The following USP50 variants were observed in gnomAD, a reference collection of about 807,000 sequenced individuals.
USP50 encodes ubiquitin specific peptidase 50, also known as ubiquitin carboxyl-terminal hydrolase 50.
A neutral mutation model predicts 39.2 loss-of-function variants in USP50; 37 were observed. The ratio of observed to expected loss-of-function variants is 0.94; its 90% confidence interval spans 0.73 to 1.24. USP50 has a LOEUF of 1.24. USP50 is among the 50% of genes most tolerant of loss of function. The pLI is 0.00. For synonymous variants in USP50, 139 were observed against 144.5 expected (o/e 0.96, Z 0.27); for missense variants, 374 against 398.2 (o/e 0.94, Z 0.52).
chr15:50,527,445 G>T (rs539691648), intron 6 of USP50, among the ~76,000 whole-genome samples: 1 of 151,890 alleles, frequency 6.6e-6, no homozygotes, highest in Admixed American at 6.6e-5. Context: ...CTGACCTCAT[G>T]ATCTGCCCAC....
chr15:50,497,346 T>A, downstream of USP50: 1 of 1,329,646 alleles, frequency 7.5e-7, no homozygotes, highest in Non-Finnish European at 1.0e-6. Flanking sequence ...AGGGCGATTA[T>A]CTGGTTACAG....
At chr15:50,530,937 TTTTG>T (rs1341426779) in intron 5 of USP50, among the ~76,000 whole-genome samples, 1 of 152,098 alleles carries the variant, frequency 6.6e-6, no homozygotes, top group African/African-American at 2.4e-5. Context: ...AGCTCTGAGT[TTTTG>T]TTTGTTTTTT....
chr15:50,527,364 CT>C (rs2052906545), intron 6 of USP50, among the ~76,000 whole-genome samples: 1 of 151,854 alleles, frequency 6.6e-6, no homozygotes, highest in African/African-American at 2.4e-5. Context: ...GCCACCACGC[CT>C]GGCTAATTTT....
In USP50 at chr15:50,542,517, C is replaced by T. The variant is rs1422922774; in HGVS notation, c.444+1081G>A. The stretch of plus-strand genomic sequence containing the variant: ...TTTTTTTTTTTCTTGGAGACGGAGT[C>T]TTGCTCTGTCGTCCAGGCTGGAGTG... On this transcript the variant is annotated intron_variant, in intron 3 of 6. Transcript: ENST00000532404. 6.4e-5 allele frequency among the ~76,000 whole-genome samples: 7 copies of T among 109,016 alleles called. No homozygotes were observed. The East Asian group carries it at 2.2e-3, about 34-fold the overall frequency. The allele number at this position is 109,016 out of a possible 152,430, so 71.5% of individuals were successfully genotyped here.
At chr15:50,542,603 C>A (rs970995118) in intron 3 of USP50, among the ~76,000 whole-genome samples, 2 of 151,040 alleles carry the variant, frequency 1.3e-5, no homozygotes, top group Non-Finnish European at 2.9e-5. Context: ...ATTCTTGTGC[C>A]TCAGCCACCC....
chr15:50,508,354 T>C (rs573438020), intron 6 of USP50: 1 of 152,330 alleles, frequency 6.6e-6, no homozygotes, highest in Admixed American at 6.5e-5. Context: ...TTAAGATGAA[T>C]TGATCATTTA....
At chr15:50,525,583 T>G (rs1289914665) in intron 6 of USP50, among the ~76,000 whole-genome samples, 4 of 114,360 alleles carry the variant, frequency 3.5e-5, no homozygotes, top group Non-Finnish European at 7.7e-5. Flanking sequence ...TATATGTATA[T>G]ATGTATATGT....
chr15:50,528,035 CAAT>C (rs2141369630), intron 6 of USP50, among the ~76,000 whole-genome samples: 2 of 150,570 alleles, frequency 1.3e-5, no homozygotes, highest in South Asian at 4.2e-4. Context: ...CTTAATTAAC[CAAT>C]AATAGTTTGA....
chr15:50,494,250 A>G, intron 1 of USP50: 1 of 1,611,368 alleles, frequency 6.2e-7, no homozygotes, highest in Non-Finnish European at 8.5e-7. Flanking sequence ...TTCTGTTCCT[A>G]ATGGATGGTC....
intron 4 of USP50, 134 bp downstream of exon 4, chr15:50,540,915 C>T (rs1054456636): frequency 1.4e-6 from 1 of 715,914 alleles, no homozygotes; most frequent in Non-Finnish European, 2.3e-6. Context: ...TGAGCCACCG[C>T]ACTCAGTCTA....
intron 3 of USP50, among the ~76,000 whole-genome samples, chr15:50,543,014 A>G (rs1342404664): frequency 6.6e-6 from 1 of 152,148 alleles, no homozygotes; most frequent in African/African-American, 2.4e-5. Context: ...ATAAAGGCAA[A>G]ACCTCTAGAG....
chr15:50,502,789 T>G (rs2052610091), intron 6 of USP50: 1 of 152,358 alleles, frequency 6.6e-6, no homozygotes. Context: ...TACACCACCA[T>G]GTCCAGAATG....
chr15:50,539,106 T>G (rs2053007770), intron 4 of USP50, among the ~76,000 whole-genome samples: 1 of 143,584 alleles, frequency 7.0e-6, no homozygotes, highest in African/African-American at 2.6e-5. Flanking sequence ...CAGTTTTTTT[T>G]GGTTTTGTTT....
At chr15:50,526,256 C>T (rs1350917670) in intron 6 of USP50, among the ~76,000 whole-genome samples, 2 of 152,104 alleles carry the variant, frequency 1.3e-5, no homozygotes, top group Non-Finnish European at 2.9e-5. Context: ...GATGGGGATT[C>T]GCCATGTTGC....
Position 50,546,561 on chromosome 15 carries a change from A to G in USP50, c.-36T>C. The G allele has an allele frequency of 6.2e-7, 1 of 1,610,996 alleles. No individual in the cohort carries two copies. The highest frequency in any genetic ancestry group is 8.5e-7 in the Non-Finnish European group (1 of 1,177,382). On this transcript the variant is annotated 5_prime_UTR_variant, in exon 1 of 7. Transcript: ENST00000532404. ...CCACGTTGGACTTTTGCTTCTATTC[A>G]GGAGCTACATCTATTCCTTTCAACT... is the stretch of plus-strand genomic sequence containing the variant.
At chr15:50,538,441 T>C (rs1322764179) in intron 5 of USP50, among the ~76,000 whole-genome samples, 1 of 152,040 alleles carries the variant, frequency 6.6e-6, no homozygotes, top group African/African-American at 2.4e-5. Flanking sequence ...AGAGTTTCTG[T>C]GTGGGTGAGG....
intron 5 of USP50, among the ~76,000 whole-genome samples, chr15:50,532,456 G>A (rs2052948574): frequency 6.6e-6 from 1 of 151,920 alleles, no homozygotes; most frequent in Non-Finnish European, 1.5e-5. Context: ...TCGTAGTCTG[G>A]AGGCTGAAGT....
chr15:50,538,865 A>G lies in USP50; in HGVS notation c.661-14T>C. On this transcript the variant is annotated splice_polypyrimidine_tract_variant and intron_variant, in intron 4 of 6. Coordinates refer to ENST00000532404, the MANE Select transcript of USP50 (RefSeq NM_203494.5). ...TTGGAGACAGTCCTGTTAAGGAAAA[A>G]AAGGATTTGGTGACCAAATTGGATC... 6.3e-7 allele frequency: 1 copy of G among 1,586,810 alleles called. No individual in the cohort carries two copies. Among genetic ancestry groups the G allele is most frequent in the South Asian group, 1.2e-5 (1 of 85,828 alleles).
chr15:50,538,647 T>C, intron 5 of USP50, 62 bp downstream of exon 5: 1 of 1,462,046 alleles, frequency 6.8e-7, no homozygotes, highest in Non-Finnish European at 9.1e-7. Flanking sequence ...TATTGGCATG[T>C]GAATTTTATC....
Sources: allele counts gnomAD v4.1 joint callset (sites outside exome capture counted in the v4.1 genomes callset), GRCh38; gene constraint gnomAD v4.1.1; transcripts MANE v1.5; gene names NCBI Gene and HGNC (gene_info 2026-07-23, HGNC 2026-07-21).